Variants in JAZF1 observed in about 807,000 individuals in gnomAD.
JAZF1 encodes JAZF zinc finger 1, also known as juxtaposed with another zinc finger protein 1.
In JAZF1, 8 loss-of-function variants were observed where a neutral mutation model predicts 26.4. The observed-to-expected ratio is 0.30, with a 90% CI of 0.18 to 0.55. JAZF1 has a LOEUF of 0.55. Ranked by LOEUF, JAZF1 falls within the 20% of genes least tolerant of loss-of-function variation. The pLI is 0.94. For missense variants in JAZF1, 199 were observed against 322.0 expected (o/e 0.62, Z 2.92); for synonymous variants, 126 against 122.3 (o/e 1.03, Z -0.20).
intron 3 of JAZF1, among the ~76,000 whole-genome samples, chr7:27,862,793 G>A (rs946953300): frequency 3.3e-5 from 5 of 152,194 alleles, no homozygotes; most frequent in Non-Finnish European, 7.3e-5. Context: ...CCCGCTTTCT[G>A]TATTTTGGGT....
At chr7:27,945,313 C>T (rs192951189) in intron 2 of JAZF1, among the ~76,000 whole-genome samples, 1 of 152,064 alleles carries the variant, frequency 6.6e-6, no homozygotes, top group African/African-American at 2.4e-5. Context: ...CCCAGCGGGG[C>T]AAGCCATGCC....
In JAZF1 at chr7:27,999,994, A is replaced by C. The variant is rs190650659; in HGVS notation, c.116-8013T>G. Reference sequence around the variant, plus strand: ...GACAGGGCTAATCTGGGCAGGCTTTACTGATGAATGGGAACTGAGCCAGGT... The same window carrying C: ...GACAGGGCTAATCTGGGCAGGCTTTCCTGATGAATGGGAACTGAGCCAGGT... On this transcript the variant is annotated intron_variant, in intron 1 of 4. Coordinates refer to ENST00000283928, the MANE Select transcript of JAZF1 (RefSeq NM_175061.4). 5.3e-4 allele frequency among the ~76,000 whole-genome samples: 81 copies of C among 152,314 alleles called. 1 individual carries two copies. The Middle Eastern group carries it at 0.01, about 19-fold the overall frequency.
chr7:27,833,785 T>G (rs940482761), intron 4 of JAZF1, among the ~76,000 whole-genome samples: 1 of 152,248 alleles, frequency 6.6e-6, no homozygotes, highest in Non-Finnish European at 1.5e-5. Flanking sequence ...CAGCATATTC[T>G]ATGTAAGATT....
intron 2 of JAZF1, among the ~76,000 whole-genome samples, chr7:27,934,351 G>A (rs1038591778): frequency 6.6e-6 from 1 of 152,150 alleles, no homozygotes; most frequent in South Asian, 2.1e-4. Flanking sequence ...GATTTTTAAA[G>A]CCAAAAGGAA....
intron 3 of JAZF1, among the ~76,000 whole-genome samples, chr7:27,888,444 GT>G (rs1222966147): frequency 1.3e-5 from 2 of 151,490 alleles, no homozygotes; most frequent in Non-Finnish European, 2.9e-5. Context: ...GCCTATTTAA[GT>G]TTATTTTGCT....
At chr7:27,867,813 C>G (rs1446408276) in intron 3 of JAZF1, among the ~76,000 whole-genome samples, 1 of 152,234 alleles carries the variant, frequency 6.6e-6, no homozygotes, top group Non-Finnish European at 1.5e-5. Flanking sequence ...CAGTGCCATT[C>G]ATGTCCTACA....
chr7:28,166,956 T>C (rs1346349912), intron 1 of JAZF1, among the ~76,000 whole-genome samples: 2 of 152,154 alleles, frequency 1.3e-5, no homozygotes, highest in Non-Finnish European at 2.9e-5. Context: ...CATCATATTA[T>C]GGAAATATGA....
At chr7:28,092,989 G>A (rs148652426) in intron 1 of JAZF1, among the ~76,000 whole-genome samples, 1 of 152,278 alleles carries the variant, frequency 6.6e-6, no homozygotes, top group East Asian at 1.9e-4. Flanking sequence ...CCCTGAAAGG[G>A]TTTCTACAAA....
intron 2 of JAZF1, among the ~76,000 whole-genome samples, chr7:27,930,281 C>T (rs1465102124): frequency 6.6e-6 from 1 of 152,322 alleles, no homozygotes; most frequent in Non-Finnish European, 1.5e-5. Flanking sequence ...AGGCATGAGC[C>T]ACCGTGCCCG....
chr7:27,940,624 G>A (rs976489005), intron 2 of JAZF1, among the ~76,000 whole-genome samples: 6 of 152,178 alleles, frequency 3.9e-5, no homozygotes, highest in Admixed American at 6.5e-5. Context: ...CCACGAGAAC[G>A]ACTGACTGCT....
At chr7:27,874,453 A>G (rs1258310431) in intron 3 of JAZF1, among the ~76,000 whole-genome samples, 3 of 152,198 alleles carry the variant, frequency 2.0e-5, no homozygotes, top group African/African-American at 2.4e-5. Context: ...TGGCCCAACG[A>G]GAGCAGGAAG....
intron 2 of JAZF1, among the ~76,000 whole-genome samples, chr7:27,981,572 T>G (rs1036041359): frequency 4.6e-5 from 7 of 152,306 alleles, no homozygotes; most frequent in Admixed American, 2.0e-4. Flanking sequence ...TGTACAGCTC[T>G]CAATTAAAAA....
intron 1 of JAZF1, among the ~76,000 whole-genome samples, chr7:28,067,354 A>T (rs116209707): frequency 1.2e-3 from 190 of 152,292 alleles, no homozygotes; most frequent in African/African-American, 3.9e-3. Context: ...TGGAATCTTT[A>T]TCTCTCCATT....
intron 1 of JAZF1, among the ~76,000 whole-genome samples, chr7:28,131,313 TAAAAAAAA>T (rs35200756): frequency 2.1e-5 from 3 of 145,780 alleles, no homozygotes; most frequent in Non-Finnish European, 4.6e-5. Flanking sequence ...CTCTATCACT[TAAAAAAAA>T]AAAAATCTAA....
chr7:28,120,144 T>A (rs1205343879), intron 1 of JAZF1, among the ~76,000 whole-genome samples: 2 of 150,468 alleles, frequency 1.3e-5, no homozygotes, highest in African/African-American at 4.9e-5. Context: ...TCTTATCTTG[T>A]AAAAGTACTT....
intron 1 of JAZF1, among the ~76,000 whole-genome samples, chr7:28,079,298 G>A (rs17703228): frequency 0.2 from 29,731 of 152,042 alleles, 3,766 homozygotes; most frequent in Non-Finnish European, 0.28. Context: ...CCGGCCATGC[G>A]CATAATTTAA....
At chr7:27,979,336 A>G (rs1395883255) in intron 2 of JAZF1, among the ~76,000 whole-genome samples, 1 of 139,804 alleles carries the variant, frequency 7.2e-6, no homozygotes, top group Non-Finnish European at 1.5e-5. Context: ...AAAATACAGT[A>G]TAATTAACAG....
Position 27,840,808 on chromosome 7 carries a change from T to C in JAZF1, c.445A>G (p.Thr149Ala), listed in dbSNP as rs1782908170. 2 of 1,614,174 alleles carry C rather than the reference T, an allele frequency of 1.2e-6. No homozygotes were observed. Among genetic ancestry groups the C allele is most frequent in the Non-Finnish European group, 1.7e-6 (2 of 1,180,022 alleles). ...TCGGAGCTGATGGCACTCTCTGTGGTCCAGGACTCATCGCTGTCCGACTCC... is the reference window on the plus strand; with the variant it reads ...TCGGAGCTGATGGCACTCTCTGTGGCCCAGGACTCATCGCTGTCCGACTCC... ...YEESDSDESW[T>A]TESAISSEAI... is the part of the protein sequence containing the mutation. Residue 149 changes from threonine to alanine, a missense_variant, in exon 4 of 5, where the codon ACC becomes GCC. Physicochemically the swap from Thr to Ala is moderately conservative, Grantham distance 58. Transcript: ENST00000283928. The surrounding 1 kb of genome is among the most constrained non-coding windows in gnomAD (Gnocchi z 5.1).
At position 27,836,950 on chromosome 7, in the gene JAZF1, T is replaced by TAC. The variant is rs536606233; in HGVS notation, c.555+3746_555+3747dup. On this transcript the variant is annotated intron_variant, in intron 4 of 4. Transcript: ENST00000283928. ...GGTATTTCTTTTCACTATTTTTTCA[T>TAC]ACACACACACACACTCTCTCTCTCA... 3.7e-3 allele frequency among the ~76,000 whole-genome samples: 558 copies of TAC among 152,010 alleles called. 2 individuals are homozygous for TAC. Among genetic ancestry groups the TAC allele is most frequent in the African/African-American group, 0.012 (491 of 41,424 alleles).
Sources: allele counts gnomAD v4.1 joint callset (sites outside exome capture counted in the v4.1 genomes callset), GRCh38; gene constraint gnomAD v4.1.1; non-coding constraint Gnocchi (gnomAD v3.1); transcripts MANE v1.5; gene names NCBI Gene and HGNC (gene_info 2026-07-23, HGNC 2026-07-21).